SNTB2: variants seen among roughly 807,000 people sequenced by gnomAD.
The protein encoded by SNTB2 is beta-2-syntrophin.
In SNTB2, 34 loss-of-function variants were observed where a neutral mutation model predicts 46.2. That is an observed-to-expected ratio of 0.74 (90% CI 0.56 to 0.98). The LOEUF is 0.98. Among genes scored for constraint, SNTB2 ranks in the 50% least tolerant of loss-of-function variants. SNTB2 has a pLI of 0.00. For synonymous variants in SNTB2, 290 were observed against 312.6 expected (o/e 0.93, Z 0.76); for missense variants, 603 against 731.4 (o/e 0.82, Z 2.02).
chr16:69,214,948 A>G (rs779523382), intron 1 of SNTB2, among the ~76,000 whole-genome samples: 8 of 151,850 alleles, frequency 5.3e-5, no homozygotes, highest in Non-Finnish European at 1.0e-4. Flanking sequence ...GACTTAAGCT[A>G]TTCTCCTGCC....
chr16:69,202,783 C>T (rs1202574901), intron 1 of SNTB2, among the ~76,000 whole-genome samples: 1 of 151,942 alleles, frequency 6.6e-6, no homozygotes, highest in Non-Finnish European at 1.5e-5. Context: ...GCCATGTTGG[C>T]CAGGCTGGTC....
intron 1 of SNTB2, among the ~76,000 whole-genome samples, chr16:69,245,238 G>A (rs867065549): frequency 2.6e-4 from 39 of 151,988 alleles, no homozygotes; most frequent in South Asian, 1.5e-3. Flanking sequence ...TTGCTCTGTC[G>A]CCCAGGCTGG....
intron 1 of SNTB2, among the ~76,000 whole-genome samples, chr16:69,209,280 A>C (rs572736367): frequency 2.6e-5 from 4 of 152,218 alleles, no homozygotes; most frequent in Non-Finnish European, 4.4e-5. Flanking sequence ...TTTTATATCA[A>C]CTTTTAGGTT....
rs925804516 is a variant in SNTB2, at chr16:69,307,505, T to G, written c.*6581T>G. 1 of 149,176 alleles carries G rather than the reference T, an allele frequency of 6.7e-6. No homozygotes were observed. Among genetic ancestry groups the G allele is most frequent in the African/African-American group, 2.4e-5 (1 of 40,990 alleles). 9.2% of individuals were successfully genotyped at this position (149,176 alleles called of 1,614,324 possible). A position where few individuals can be genotyped will look rare whatever the true frequency, so the allele number is the denominator to read the frequency against. ...ACAAAGTAGATAAATGAGAAAGTCT[T>G]TCTTAAAAAATGCTTCTTTAACTGT... On this transcript the variant is annotated 3_prime_UTR_variant, in exon 7 of 7. Coordinates refer to ENST00000336278, the MANE Select transcript of SNTB2 (RefSeq NM_006750.4).
rs60387965 is a variant in SNTB2 at position 69,227,841 on chromosome 16, ATTTTTTTTTT to A, written c.581-17745_581-17736del. ...AATGGTTAGCTTGCTGTTTCTCTGG[ATTTTTTTTTT>A]TTTTTTTTTTTTTTTAAGATAAGTA... On this transcript the variant is annotated intron_variant, in intron 1 of 6. Coordinates refer to ENST00000336278, the MANE Select transcript of SNTB2 (RefSeq NM_006750.4). 1.3e-3 allele frequency among the ~76,000 whole-genome samples: 155 copies of A among 115,906 alleles called. 2 individuals are homozygous for A. Among genetic ancestry groups the A allele is most frequent in the Middle Eastern group, 4.6e-3 (1 of 216 alleles). 76.0% of individuals were successfully genotyped at this position (115,906 alleles called of 152,430 possible).
intron 5 of SNTB2, among the ~76,000 whole-genome samples, chr16:69,298,780 C>A (rs1285535441): frequency 6.6e-6 from 1 of 152,098 alleles, no homozygotes; most frequent in Non-Finnish European, 1.5e-5. Flanking sequence ...CCTCGACCTC[C>A]CAAAGTGCTG....
rs762877323 is a variant in SNTB2, at chr16:69,299,668, G to T, written c.1424G>T (p.Gly475Val). 2.5e-6 allele frequency: 4 copies of T among 1,614,116 alleles called. No individual in the cohort carries two copies. The Admixed American group carries it at 6.7e-5, about 27-fold the overall frequency. ...NGFTISRENG[G>V]SSSILYRYPF... The stretch of plus-strand genomic sequence containing the variant: ...TTCACCATCTCAAGGGAAAATGGAG[G>T]CTCCAGCAGCATATTGTACCGCTAC... Residue 475 changes from glycine (G) to valine (V), a missense_variant, in exon 6 of 7, where the codon GGC becomes GTC. Physicochemically the swap from Gly to Val is moderately radical, Grantham distance 109 (BLOSUM62 -3). This residue lies in a region of SNTB2 where 537 missense variants were observed against 692.4 expected (regional missense o/e 0.78). Transcript: ENST00000336278.
At chr16:69,207,061 G>A (rs530472251) in intron 1 of SNTB2, among the ~76,000 whole-genome samples, 8 of 150,842 alleles carry the variant, frequency 5.3e-5, no homozygotes, top group Admixed American at 1.3e-4. Flanking sequence ...GCCACACTGC[G>A]CCTGGCCTTG....
Position 69,306,573 on chromosome 16 carries a change from T to C in SNTB2, c.*5649T>C, listed in dbSNP as rs979768464. The C allele has an allele frequency of 3.9e-5, 6 of 152,252 alleles. No homozygotes were observed. The highest frequency in any genetic ancestry group is 1.4e-4 in the African/African-American group (6 of 41,466). 9.4% of individuals were successfully genotyped at this position (152,252 alleles called of 1,614,324 possible). A position where few individuals can be genotyped will look rare whatever the true frequency, so the allele number is the denominator to read the frequency against. ...AATTGCCCCTTTTAAAATAGATTGG[T>C]TAAAACCAAAAACCTATAAGAGAGA... On this transcript the variant is annotated 3_prime_UTR_variant, in exon 7 of 7. Coordinates refer to ENST00000336278, the MANE Select transcript of SNTB2 (RefSeq NM_006750.4).
Position 69,187,322 on chromosome 16 carries a change from C to G in SNTB2, c.156C>G (p.Gly52=). 2 of 1,452,334 alleles carry G rather than the reference C, an allele frequency of 1.4e-6. No individual in the cohort carries two copies. The highest frequency in any genetic ancestry group is 1.8e-6 in the Non-Finnish European group (2 of 1,104,960). 90.0% of individuals were successfully genotyped at this position (1,452,334 alleles called of 1,614,324 possible). ...GCGGGGAGAGCCTGAGCCTGACGGGCGACGCCGCCGCGGCCGAGCTGGAGC... is the reference window on the plus strand; with the variant it reads ...GCGGGGAGAGCCTGAGCCTGACGGGGGACGCCGCCGCGGCCGAGCTGGAGC... ...ELSGESLSLT[G]DAAAAELEPA... Residue 52 remains glycine, a synonymous_variant, in exon 1 of 7, where the codon GGC becomes GGG. Transcript: ENST00000336278.
chr16:69,196,368 T>C (rs1180263990), intron 1 of SNTB2, among the ~76,000 whole-genome samples: 1 of 151,400 alleles, frequency 6.6e-6, no homozygotes, highest in East Asian at 1.9e-4. Context: ...TGTTTTTCTT[T>C]TCTTTTTCTT....
Position 69,250,196 on chromosome 16 carries a change from C to T in SNTB2, c.794+4381C>T, listed in dbSNP as rs149599274. Among the ~76,000 whole-genome samples, 1,071 of 152,282 alleles carry T rather than the reference C, an allele frequency of 7.0e-3. 6 individuals carry two copies. Among genetic ancestry groups the T allele is most frequent in the Middle Eastern group, 0.014 (4 of 294 alleles). On this transcript the variant is annotated intron_variant, in intron 2 of 6. Transcript: ENST00000336278. Reference sequence around the variant, plus strand: ...TACCACTTATACTCGCATTTCCATGCGTTTTTTAGACATAAAAGTAGTAGG... The same window carrying T: ...TACCACTTATACTCGCATTTCCATGTGTTTTTTAGACATAAAAGTAGTAGG...
chr16:69,294,682 G>A (rs1235263266), intron 5 of SNTB2, among the ~76,000 whole-genome samples: 3 of 152,004 alleles, frequency 2.0e-5, no homozygotes, highest in Non-Finnish European at 4.4e-5. Context: ...GCAGTGAGCC[G>A]AGATCATGCC....
In SNTB2 at chr16:69,303,916, G is replaced by A. The variant is rs1965296117; in HGVS notation, c.*2992G>A. On this transcript the variant is annotated 3_prime_UTR_variant, in exon 7 of 7. Transcript: ENST00000336278. ...AATTAAGAAAATTGTTGAGGATGTGGTGGGTTCCAGTGTGTGGAATGGAAA... is the reference window on the plus strand; with the variant it reads ...AATTAAGAAAATTGTTGAGGATGTGATGGGTTCCAGTGTGTGGAATGGAAA... 6.6e-6 allele frequency: 1 copy of A among 152,152 alleles called. No homozygotes were observed. Among genetic ancestry groups the A allele is most frequent in the African/African-American group, 2.4e-5 (1 of 41,440 alleles). The allele number at this position is 152,152 out of a possible 1,614,324, so 9.4% of individuals were successfully genotyped here.
At position 69,304,727 on chromosome 16, in the gene SNTB2, G is replaced by A. The variant is rs1298011166; in HGVS notation, c.*3803G>A. 1.3e-5 allele frequency: 2 copies of A among 151,730 alleles called. No homozygotes were observed. Among genetic ancestry groups the A allele is most frequent in the African/African-American group, 4.8e-5 (2 of 41,270 alleles). The allele number at this position is 151,730 out of a possible 1,614,324, so 9.4% of individuals were successfully genotyped here. On this transcript the variant is annotated 3_prime_UTR_variant, in exon 7 of 7. Coordinates refer to ENST00000336278, the MANE Select transcript of SNTB2 (RefSeq NM_006750.4). The stretch of plus-strand genomic sequence containing the variant: ...CACCGAGGTTGGAGTGCAGTGGTAT[G>A]ATCATAGCTGACTGCAGCCTCAACC...
intron 1 of SNTB2, among the ~76,000 whole-genome samples, chr16:69,229,622 G>A (rs947269684): frequency 1.3e-5 from 2 of 150,554 alleles, no homozygotes; most frequent in African/African-American, 2.4e-5. Flanking sequence ...GGCGGATCAC[G>A]AGGTCAAGAG....
chr16:69,265,369 T>C (rs900644065), intron 3 of SNTB2, among the ~76,000 whole-genome samples: 5 of 152,216 alleles, frequency 3.3e-5, no homozygotes, highest in African/African-American at 1.2e-4. Context: ...CAATTGGTGT[T>C]AGTGTAATTA....
intron 2 of SNTB2, among the ~76,000 whole-genome samples, chr16:69,249,023 CTTT>C (rs34530998): frequency 4.4e-4 from 55 of 125,778 alleles, no homozygotes; most frequent in African/African-American, 1.3e-3. Context: ...TCATTTCTTT[CTTT>C]TTTTTTTTTT....
At chr16:69,246,898 T>G (rs1964675101) in intron 2 of SNTB2, among the ~76,000 whole-genome samples, 1 of 66,070 alleles carries the variant, frequency 1.5e-5, no homozygotes, top group Non-Finnish European at 2.7e-5. Flanking sequence ...GGGACTGTGG[T>G]GGGGTGGGGG....
Sources: allele counts gnomAD v4.1 joint callset (sites outside exome capture counted in the v4.1 genomes callset), GRCh38; gene constraint gnomAD v4.1.1; regional missense constraint gnomAD v4.1.1; transcripts MANE v1.5; gene names NCBI Gene and HGNC (gene_info 2026-07-23, HGNC 2026-07-21).